The following ARHGAP15 variants were observed in gnomAD, a reference collection of about 807,000 sequenced individuals.
The protein encoded by ARHGAP15 is rho GTPase-activating protein 15.
Under a neutral mutation model 63.7 loss-of-function variants are expected in ARHGAP15, and 51 were observed. That is an observed-to-expected ratio of 0.80 (90% CI 0.64 to 1.01). The LOEUF (loss-of-function observed/expected upper bound fraction) is 1.01. ARHGAP15 is among the 50% of genes least tolerant of loss of function. ARHGAP15 has a pLI of 0.00. For synonymous variants in ARHGAP15, 191 were observed against 193.8 expected, an observed-to-expected ratio of 0.99 and a Z score of 0.12; for missense variants, 560 against 564.6, an observed-to-expected ratio of 0.99 and a Z score of 0.08.
At chr2:143,516,166 A>G (rs1271902291) in intron 9 of ARHGAP15, among the ~76,000 whole-genome samples, 2 of 152,182 alleles carry the variant, frequency 1.3e-5, no homozygotes, top group African/African-American at 2.4e-5. Flanking sequence ...TACTGCCTCT[A>G]CTGGGCAAAG....
intron 11 of ARHGAP15, among the ~76,000 whole-genome samples, chr2:143,578,478 C>A (rs532133771): frequency 3.0e-4 from 46 of 152,158 alleles, no homozygotes; most frequent in African/African-American, 1.1e-3. Flanking sequence ...CAAATACAAT[C>A]CAGCAAAGGG....
intron 2 of ARHGAP15, among the ~76,000 whole-genome samples, chr2:143,177,608 T>C (rs192313411): frequency 6.6e-6 from 1 of 152,346 alleles, no homozygotes; most frequent in Admixed American, 6.5e-5. Context: ...TCTCAAAGGG[T>C]GATCTAGGGA....
chr2:143,468,166 A>C (rs1253802098), intron 8 of ARHGAP15, among the ~76,000 whole-genome samples: 2 of 151,912 alleles, frequency 1.3e-5, no homozygotes, highest in Non-Finnish European at 2.9e-5. Context: ...TTCAAGGGGA[A>C]TGGGAACAAG....
chr2:143,494,993 T>G (rs1692753611), intron 9 of ARHGAP15, among the ~76,000 whole-genome samples: 1 of 152,210 alleles, frequency 6.6e-6, no homozygotes, highest in Admixed American at 6.5e-5. Context: ...AAGCCAGGCT[T>G]GAAGCCAGAT....
intron 12 of ARHGAP15, among the ~76,000 whole-genome samples, chr2:143,692,280 A>G (rs1455805227): frequency 6.6e-6 from 1 of 152,216 alleles, no homozygotes; most frequent in African/African-American, 2.4e-5. Flanking sequence ...ATTTTTTCAC[A>G]GACATTAAAA....
Position 143,574,841 on chromosome 2 carries a change from G to A in ARHGAP15, c.1003+18356G>A, listed in dbSNP as rs141914978. ...GAAATGTCTTCTGAGGAAAATTTTC[G>A]TTAGAATCCTTTGCAGTGTAAACCT... On this transcript the variant is annotated intron_variant, in intron 11 of 13. Coordinates refer to ENST00000295095, the MANE Select transcript of ARHGAP15 (RefSeq NM_018460.4). Among the ~76,000 whole-genome samples the A allele has an allele frequency of 2.2e-3, 338 of 152,196 alleles. 1 individual carries two copies. The highest frequency in any genetic ancestry group is 6.9e-3 in the African/African-American group (288 of 41,542).
chr2:143,742,653 C>T (rs1451441478), intron 13 of ARHGAP15, among the ~76,000 whole-genome samples: 2 of 152,192 alleles, frequency 1.3e-5, no homozygotes, highest in Non-Finnish European at 1.5e-5. Flanking sequence ...CAACCAGTTG[C>T]TTTGGAGAAA....
At chr2:143,625,345 T>A (rs1054871205) in intron 12 of ARHGAP15, among the ~76,000 whole-genome samples, 14 of 152,126 alleles carry the variant, frequency 9.2e-5, no homozygotes, top group African/African-American at 3.4e-4. Context: ...ATTCTGTCAT[T>A]CACAAAGCCT....
intron 6 of ARHGAP15, among the ~76,000 whole-genome samples, chr2:143,420,681 G>A (rs757845802): frequency 3.3e-5 from 5 of 152,106 alleles, no homozygotes; most frequent in Non-Finnish European, 7.4e-5. Flanking sequence ...CTGACTTTTT[G>A]TGATTTTGCT....
intron 4 of ARHGAP15, 93 bp from the exon 5 acceptor site, chr2:143,228,488 T>A (rs1693307033): frequency 4.2e-6 from 3 of 709,762 alleles, no homozygotes; most frequent in Non-Finnish European, 6.8e-6. Flanking sequence ...ATAAAGATGG[T>A]CTCTACTCAT....
At chr2:143,608,848 A>T (rs1220303527) in intron 11 of ARHGAP15, 1 of 152,202 alleles carries the variant, frequency 6.6e-6, no homozygotes, top group Non-Finnish European at 1.5e-5. Context: ...TCTGTATCTT[A>T]TATTATGATG....
chr2:143,734,776 A>T (rs887248708), intron 13 of ARHGAP15, among the ~76,000 whole-genome samples: 5 of 152,042 alleles, frequency 3.3e-5, no homozygotes, highest in Non-Finnish European at 2.9e-5. Context: ...TTGTACCTGA[A>T]TGGATTTCTG....
chr2:143,599,522 A>T (rs1553509897), intron 11 of ARHGAP15, among the ~76,000 whole-genome samples: 2 of 151,990 alleles, frequency 1.3e-5, no homozygotes, highest in Non-Finnish European at 2.9e-5. Context: ...GCAAAGCAAG[A>T]CCCCTACCCC....
At chr2:143,168,573 A>G (rs935988089) in intron 2 of ARHGAP15, among the ~76,000 whole-genome samples, 14 of 149,970 alleles carry the variant, frequency 9.3e-5, no homozygotes, top group African/African-American at 3.1e-4. Flanking sequence ...TTTTCTGTGG[A>G]AAAGGTGTTC....
chr2:143,763,722 G>GTATGTA (rs140872756), intron 13 of ARHGAP15, among the ~76,000 whole-genome samples: 1 of 147,080 alleles, frequency 6.8e-6, no homozygotes, highest in African/African-American at 2.5e-5. Context: ...GTATGTATAT[G>GTATGTA]TATGTATATG....
chr2:143,734,834 G>C (rs1346279508), intron 13 of ARHGAP15, among the ~76,000 whole-genome samples: 1 of 152,156 alleles, frequency 6.6e-6, no homozygotes, highest in Non-Finnish European at 1.5e-5. Context: ...CAAGTGAGTA[G>C]GAAGAAAATA....
chr2:143,516,652 A>G (rs1037740214), intron 9 of ARHGAP15, among the ~76,000 whole-genome samples: 1 of 152,234 alleles, frequency 6.6e-6, no homozygotes, highest in Non-Finnish European at 1.5e-5. Flanking sequence ...AATAAAATCC[A>G]TTAATGGGTT....
At chr2:143,302,641 T>C (rs913044877) in intron 6 of ARHGAP15, among the ~76,000 whole-genome samples, 3 of 152,020 alleles carry the variant, frequency 2.0e-5, no homozygotes, top group African/African-American at 7.2e-5. Flanking sequence ...TAGATGACTC[T>C]AAATTCTCCC....
At chr2:143,158,968 G>T (rs1690187531) in intron 2 of ARHGAP15, among the ~76,000 whole-genome samples, 1 of 151,890 alleles carries the variant, frequency 6.6e-6, no homozygotes, top group Non-Finnish European at 1.5e-5. Flanking sequence ...TTAATGAGGA[G>T]TTTAAATAGC....
Sources: gnomAD v4.1 joint callset for allele counts (sites outside exome capture counted in the v4.1 genomes callset) on GRCh38, gnomAD v4.1.1 for gene constraint, MANE v1.5 for transcripts, NCBI Gene and HGNC (gene_info 2026-07-23, HGNC 2026-07-21) for gene names.